CEP192: variants seen among roughly 807,000 people sequenced by gnomAD.
The protein encoded by CEP192 is centrosomal protein of 192 kDa.
A neutral mutation model predicts 271.8 loss-of-function variants in CEP192; 151 were observed. The ratio of observed to expected loss-of-function variants is 0.56; its 90% confidence interval spans 0.49 to 0.64. The LOEUF is 0.64. Ranked by LOEUF, CEP192 falls within the 30% of genes least tolerant of loss-of-function variation. CEP192 has a pLI of 0.00. For missense variants in CEP192, 2,910 were observed against 3,020.5 expected (o/e 0.96, Z 0.86); for synonymous variants, 995 against 1,076.5 (o/e 0.92, Z 1.48).
At chr18:13,064,196 A>G (rs2037563290) in intron 21 of CEP192, among the ~76,000 whole-genome samples, 1 of 152,218 alleles carries the variant, frequency 6.6e-6, no homozygotes, top group Non-Finnish European at 1.5e-5. Flanking sequence ...TGATTTTTAT[A>G]TATGGCAAGA....
rs533908354 is a variant in CEP192, at chr18:13,073,704, C to G, written c.5616+519C>G. Among the ~76,000 whole-genome samples the G allele has an allele frequency of 3.8e-4, 58 of 152,280 alleles. 1 individual carries two copies. The highest frequency in any genetic ancestry group is 5.4e-4 in the Non-Finnish European group (37 of 68,024). Reference sequence around the variant, plus strand: ...GGGTTGCCCTCTGCCTTTTTGTCCCCACTCATCGTGAGAAGGACGAGAGTG... The same window carrying G: ...GGGTTGCCCTCTGCCTTTTTGTCCCGACTCATCGTGAGAAGGACGAGAGTG... On this transcript the variant is annotated intron_variant, in intron 30 of 44. Coordinates refer to ENST00000506447, the MANE Select transcript of CEP192 (RefSeq NM_032142.4).
At chr18:13,124,588 GTGCTGTCATGACATGC>G (rs1228575531) in intron 44 of CEP192, 28 bp from the exon 45 acceptor site, 5 of 1,574,020 alleles carry the variant, frequency 3.2e-6, no homozygotes, top group Non-Finnish European at 4.3e-6. Context: ...AGGGTCACGG[GTGCTGTCATGACATGC>G]TGCTGTCATG....
intron 10 of CEP192, 47 bp from the exon 11 acceptor site, chr18:13,030,418 T>C: frequency 6.9e-7 from 1 of 1,451,736 alleles, no homozygotes; most frequent in Non-Finnish European, 9.2e-7. Context: ...TTTGTCATTT[T>C]AGTTGTTACA....
intron 1 of CEP192, among the ~76,000 whole-genome samples, chr18:12,992,688 T>G (rs1402282056): frequency 1.3e-5 from 2 of 152,226 alleles, no homozygotes; most frequent in Non-Finnish European, 2.9e-5. Flanking sequence ...GAGAAGAGAC[T>G]AGGTATTAGG....
chr18:13,001,007 T>A (rs918041588), intron 2 of CEP192, among the ~76,000 whole-genome samples: 3 of 152,238 alleles, frequency 2.0e-5, no homozygotes, highest in Non-Finnish European at 4.4e-5. Context: ...TTAAAATTTC[T>A]GTTTTATTAC....
chr18:13,093,052 G>GGGAGGCT (rs1376727645), intron 34 of CEP192, among the ~76,000 whole-genome samples: 2 of 152,160 alleles, frequency 1.3e-5, no homozygotes, highest in East Asian at 3.9e-4. Context: ...CCAGCTACTG[G>GGGAGGCT]GGAGGCTGAG....
Position 13,103,789 on chromosome 18 carries a change from C to T in CEP192, c.6951+201C>T, listed in dbSNP as rs1026408548. On this transcript the variant is annotated intron_variant, in intron 39 of 44. Transcript: ENST00000506447. ...CACTGCAGCCTCAACCTCCCAGGCT[C>T]AAGCAATCCCCTGCCTTAGCCTCCC... is the stretch of plus-strand genomic sequence containing the variant. The T allele has an allele frequency of 6.4e-6, 4 of 628,018 alleles. No homozygotes were observed. In the Admixed American group the frequency reaches 8.4e-5, roughly 13 times the overall value. 38.9% of individuals were successfully genotyped at this position (628,018 alleles called of 1,614,324 possible). A position where few individuals can be genotyped will look rare whatever the true frequency, so the allele number is the denominator to read the frequency against.
intron 3 of CEP192, among the ~76,000 whole-genome samples, chr18:13,004,193 G>A (rs59278606): frequency 0.11 from 17,102 of 152,164 alleles, 1,125 homozygotes; most frequent in East Asian, 0.31. Context: ...GAGAACAGGA[G>A]TTACTGTTTG....
intron 11 of CEP192, among the ~76,000 whole-genome samples, chr18:13,035,166 T>C (rs1192180536): frequency 6.6e-6 from 1 of 152,206 alleles, no homozygotes; most frequent in Admixed American, 6.5e-5. Flanking sequence ...GAAAAAGCAT[T>C]TAGGAATATA....
chr18:13,022,536 A>G (rs1259803589), intron 9 of CEP192, among the ~76,000 whole-genome samples: 1 of 152,106 alleles, frequency 6.6e-6, no homozygotes, highest in East Asian at 1.9e-4. Flanking sequence ...GTACGCCACC[A>G]TGCCCAGCTA....
intron 44 of CEP192, among the ~76,000 whole-genome samples, chr18:13,123,806 G>A (rs1469540359): frequency 6.6e-6 from 1 of 152,116 alleles, no homozygotes; most frequent in Non-Finnish European, 1.5e-5. Flanking sequence ...TAACCATAGG[G>A]CACTTGTTAC....
Position 13,019,494 on chromosome 18 carries a change from G to A in CEP192, c.1050+288G>A, listed in dbSNP as rs556148270. 9.9e-5 allele frequency among the ~76,000 whole-genome samples: 15 copies of A among 152,186 alleles called. No individual in the cohort carries two copies. The South Asian group carries it at 3.1e-3, about 32-fold the overall frequency. On this transcript the variant is annotated intron_variant, in intron 9 of 44. Coordinates refer to ENST00000506447, the MANE Select transcript of CEP192 (RefSeq NM_032142.4). Reference sequence around the variant, plus strand: ...AAAAAGCAAACGGATCTTTTACCTTGCTCAAACATGTTTGTTTTTCATTGT... The same window carrying A: ...AAAAAGCAAACGGATCTTTTACCTTACTCAAACATGTTTGTTTTTCATTGT...
In CEP192 at chr18:13,067,133, T is replaced by A. The variant is rs146442342; in HGVS notation, c.4489-698T>A. Among the ~76,000 whole-genome samples, 255 of 152,302 alleles carry A rather than the reference T, an allele frequency of 1.7e-3. 3 individuals are homozygous for A. The highest frequency in any genetic ancestry group is 5.9e-3 in the African/African-American group (245 of 41,564). The stretch of plus-strand genomic sequence containing the variant: ...TTGAACATGTACAGACATTTTTTTC[T>A]TGTCATTATTCTCTAACAATAAAGT... On this transcript the variant is annotated intron_variant, in intron 21 of 44. Transcript: ENST00000506447.
intron 40 of CEP192, among the ~76,000 whole-genome samples, chr18:13,109,144 C>T (rs2040090038): frequency 6.6e-6 from 1 of 152,116 alleles, no homozygotes; most frequent in African/African-American, 2.4e-5. Flanking sequence ...TGGATCAATC[C>T]ACCGTTGATC....
intron 42 of CEP192, among the ~76,000 whole-genome samples, chr18:13,116,082 G>A (rs931792488): frequency 4.6e-5 from 7 of 152,144 alleles, no homozygotes; most frequent in Admixed American, 1.3e-4. Flanking sequence ...GCAGCGTGAC[G>A]GGGCCAAGCG....
intron 3 of CEP192, 119 bp from the exon 4 acceptor site, chr18:13,008,337 T>G: frequency 1.4e-6 from 1 of 715,176 alleles, no homozygotes; most frequent in Non-Finnish European, 2.3e-6. Flanking sequence ...AAATGTTTCT[T>G]TTTATTGCTT....
chr18:13,108,460 CCCAAAACAAA>C (rs1197570043), intron 40 of CEP192, among the ~76,000 whole-genome samples: 2 of 152,036 alleles, frequency 1.3e-5, no homozygotes, highest in African/African-American at 4.8e-5. Context: ...ATTGAACAAG[CCCAAAACAAA>C]CCACCCCATT....
At chr18:12,996,216 G>T (rs1452415418) in intron 1 of CEP192, among the ~76,000 whole-genome samples, 1 of 145,902 alleles carries the variant, frequency 6.9e-6, no homozygotes, top group Admixed American at 6.8e-5. Context: ...AGGGTTGGGG[G>T]GTAGGTTGGG....
intron 4 of CEP192, 96 bp downstream of exon 4, chr18:13,008,727 G>A (rs2034138498): frequency 1.1e-6 from 1 of 949,728 alleles, no homozygotes; most frequent in Admixed American, 2.8e-5. Context: ...TTTTGAGGCA[G>A]GGTCGCACTC....
Sources: gnomAD v4.1 joint callset for allele counts (sites outside exome capture counted in the v4.1 genomes callset) on GRCh38, gnomAD v4.1.1 for gene constraint, MANE v1.5 for transcripts, NCBI Gene and HGNC (gene_info 2026-07-23, HGNC 2026-07-21) for gene names.